MED13: variants seen among roughly 807,000 people sequenced by gnomAD.
The protein encoded by MED13 is mediator complex subunit 13.
In MED13, 23 loss-of-function variants were observed where a neutral mutation model predicts 225.2. The observed-to-expected ratio is 0.10, with a 90% confidence interval of 0.07 to 0.14. MED13 has a LOEUF of 0.14. MED13 is among the 10% of genes least tolerant of loss of function. MED13 has a pLI of 1.00. For synonymous variants in MED13, 942 were observed against 889.2 expected (o/e 1.06, Z -1.06); for missense variants, 2,197 against 2,594.5 (o/e 0.85, Z 3.33).
At chr17:61,952,400 A>G (rs1259928066) in intron 27 of MED13, among the ~76,000 whole-genome samples, 1 of 152,022 alleles carries the variant, frequency 6.6e-6, no homozygotes, top group Non-Finnish European at 1.5e-5. Context: ...CTGCTCTTAG[A>G]GTTATATATA....
At chr17:62,021,352 T>C (rs1469361341) in intron 8 of MED13, among the ~76,000 whole-genome samples, 1 of 144,406 alleles carries the variant, frequency 6.9e-6, no homozygotes, top group Non-Finnish European at 1.5e-5. Flanking sequence ...ACAGGGTGGC[T>C]GGCCGGGCGG....
intron 2 of MED13, among the ~76,000 whole-genome samples, chr17:62,053,659 A>G (rs1216521095): frequency 1.3e-5 from 2 of 152,210 alleles, no homozygotes; most frequent in African/African-American, 4.8e-5. Flanking sequence ...TAGCCTATAT[A>G]CCTTTATAAA....
At chr17:61,970,076 T>C (rs2080093839) in intron 17 of MED13, among the ~76,000 whole-genome samples, 1 of 152,238 alleles carries the variant, frequency 6.6e-6, no homozygotes, top group South Asian at 2.1e-4. Context: ...GATAATTCTA[T>C]GTGCTAGGTA....
chr17:62,032,084 TTTTTC>T (rs2080762511), intron 5 of MED13, among the ~76,000 whole-genome samples: 1 of 152,004 alleles, frequency 6.6e-6, no homozygotes, highest in African/African-American at 2.4e-5. Flanking sequence ...AAATGTGTGT[TTTTTC>T]TGTTTCTGTC....
chr17:61,992,182 T>C (rs1226943114), intron 11 of MED13, among the ~76,000 whole-genome samples: 7 of 152,246 alleles, frequency 4.6e-5, no homozygotes, highest in Non-Finnish European at 8.8e-5. Context: ...AGTATAACAA[T>C]GGCCTTTTCT....
At chr17:61,984,065 A>G (rs1157128224) in intron 15 of MED13, 106 bp downstream of exon 15, 9 of 873,150 alleles carry the variant, frequency 1.0e-5, no homozygotes, top group Non-Finnish European at 1.5e-5. Context: ...AATTTTTAGA[A>G]TTTTCAAAAA....
At chr17:61,956,562 T>A in intron 23 of MED13, 81 bp from the exon 24 acceptor site, 1 of 1,389,426 alleles carries the variant, frequency 7.2e-7, no homozygotes, top group Non-Finnish European at 9.9e-7. Flanking sequence ...TGAGATGGAG[T>A]CTCACTCTGT....
In MED13 at chr17:61,983,098, C is replaced by G; in HGVS notation, c.2905G>C (p.Asp969His). The change falls in exon 16 of 30, where the codon GAT becomes CAT. Residue 969 changes from aspartate to histidine, a missense_variant. This residue lies in a region of MED13 where 160 missense variants were observed against 184.8 expected (regional missense o/e 0.87). Coordinates refer to ENST00000397786, the MANE Select transcript of MED13 (RefSeq NM_005121.3). ...FIKEGDGSNM[D>H]QEYGTAYTPQ... ...GTATAAGCAGTGCCATATTCTTGAT[C>G]CATATTACTTCCATCACTATCATCA... 1.2e-6 allele frequency: 2 copies of G among 1,608,002 alleles called. No individual in the cohort carries two copies. Among genetic ancestry groups the G allele is most frequent in the Middle Eastern group, 1.8e-4 (1 of 5,642 alleles).
At chr17:62,037,950 C>A (rs1439083626) in intron 3 of MED13, among the ~76,000 whole-genome samples, 1 of 68,590 alleles carries the variant, frequency 1.5e-5, no homozygotes, top group Non-Finnish European at 2.5e-5. Context: ...AGTGAGACTT[C>A]ATCTCAAAAA....
At chr17:62,031,377 T>A (rs2080754454) in intron 6 of MED13, 67 bp downstream of exon 6, 1 of 1,252,210 alleles carries the variant, frequency 8.0e-7, no homozygotes, top group African/African-American at 1.5e-5. Context: ...AATAAATTAT[T>A]TCTTAAGTAC....
Position 61,956,385 on chromosome 17 carries a change from T to C in MED13, c.5577A>G (p.Arg1859=), listed in dbSNP as rs1184783694. 1 of 1,613,786 alleles carries C rather than the reference T, an allele frequency of 6.2e-7. No homozygotes were observed. The highest frequency in any genetic ancestry group is 8.5e-7 in the Non-Finnish European group (1 of 1,179,890). ...TCCTTCCTAGACGACCAATTACAAC[T>C]CTCCATGGCAATGAACTCATTTGTA... ...GLVQMSSLPW[R]VVIGRLGRIG... is the part of the protein sequence containing the mutation. Residue 1859 remains arginine, a synonymous_variant, in exon 24 of 30, where the codon AGA becomes AGG. Transcript: ENST00000397786.
At chr17:61,986,035 C>T (rs2080244719) in intron 12 of MED13, among the ~76,000 whole-genome samples, 1 of 152,162 alleles carries the variant, frequency 6.6e-6, no homozygotes, top group Non-Finnish European at 1.5e-5. Context: ...TTCTGTTAGA[C>T]AGTCTGTGAT....
chr17:62,034,844 G>T (rs529842816), intron 4 of MED13, among the ~76,000 whole-genome samples: 2 of 152,112 alleles, frequency 1.3e-5, no homozygotes, highest in African/African-American at 4.8e-5. Flanking sequence ...GCCGGACATG[G>T]TGGCTCACTC....
At chr17:61,995,007 G>A (rs1235893790) in intron 10 of MED13, 145 bp downstream of exon 10, 42 of 657,968 alleles carry the variant, frequency 6.4e-5, no homozygotes, top group Non-Finnish European at 8.2e-5. Context: ...CACCGCAGCC[G>A]GGCAAAAATA....
intron 3 of MED13, among the ~76,000 whole-genome samples, chr17:62,042,959 G>A (rs1191659026): frequency 6.6e-6 from 1 of 151,770 alleles, no homozygotes; most frequent in Non-Finnish European, 1.5e-5. Flanking sequence ...AGACCAGCCT[G>A]GTCAACATGG....
At chr17:61,984,909 G>A in intron 13 of MED13, 44 bp from the exon 14 acceptor site, 1 of 1,592,104 alleles carries the variant, frequency 6.3e-7, no homozygotes, top group Middle Eastern at 1.7e-4. Flanking sequence ...CTAAAAATAG[G>A]CGAATCTGTG....
At chr17:62,042,217 T>C (rs942388076) in intron 3 of MED13, among the ~76,000 whole-genome samples, 4 of 152,204 alleles carry the variant, frequency 2.6e-5, no homozygotes, top group Non-Finnish European at 5.9e-5. Context: ...GTGAATCCTG[T>C]ACATATTTCT....
intron 11 of MED13, among the ~76,000 whole-genome samples, chr17:61,987,969 CT>C (rs1323161767): frequency 6.6e-6 from 1 of 151,650 alleles, no homozygotes; most frequent in Non-Finnish European, 1.5e-5. Context: ...TCTTGAGCTT[CT>C]GGGCTCAAGC....
At chr17:62,022,535 C>T (rs1337985016) in intron 8 of MED13, among the ~76,000 whole-genome samples, 1 of 151,892 alleles carries the variant, frequency 6.6e-6, no homozygotes, top group African/African-American at 2.4e-5. Flanking sequence ...TCTTGAACTC[C>T]TGGCCCCAAG....
Sources: gnomAD v4.1 joint callset for allele counts (sites outside exome capture counted in the v4.1 genomes callset) on GRCh38, gnomAD v4.1.1 for gene constraint, gnomAD v4.1.1 regional missense constraint, MANE v1.5 for transcripts, NCBI Gene and HGNC (gene_info 2026-07-23, HGNC 2026-07-21) for gene names.